CD200R1L: variants seen among roughly 807,000 people sequenced by gnomAD.
CD200R1L encodes the protein CD200 receptor 1 like, also known as cell surface glycoprotein CD200 receptor 2.
CD200R1L carries 14 observed loss-of-function variants against 24.8 expected under a neutral mutation model. The observed-to-expected ratio is 0.56, with a 90% CI of 0.37 to 0.88. The LOEUF is 0.88. Ranked by LOEUF, CD200R1L falls within the 40% of genes least tolerant of loss-of-function variation. The pLI is 0.00. For synonymous variants in CD200R1L, 111 were observed against 109.2 expected (o/e 1.02, Z -0.11); for missense variants, 299 against 297.8 (o/e 1.00, Z -0.03).
chr3:112,840,083 A>G (rs1009239242), intron 2 of CD200R1L, among the ~76,000 whole-genome samples: 4 of 152,242 alleles, frequency 2.6e-5, no homozygotes, highest in African/African-American at 9.6e-5. Context: ...AAGGATGTGG[A>G]ATAATGAAAA....
chr3:112,845,987 CAT>C (rs1249639739), intron 1 of CD200R1L, 37 bp from the exon 2 acceptor site: 1 of 415,886 alleles, frequency 2.4e-6, no homozygotes, highest in African/African-American at 2.0e-5. Flanking sequence ...GCTTACTACT[CAT>C]TGCTTCTCCC....
chr3:112,838,849 A>C (rs1939019159), intron 2 of CD200R1L, among the ~76,000 whole-genome samples: 1 of 152,224 alleles, frequency 6.6e-6, no homozygotes, highest in Admixed American at 6.5e-5. Flanking sequence ...TTCTCAATAA[A>C]GAAGATGGGC....
chr3:112,832,370 A>C (rs1938821914), intron 3 of CD200R1L, among the ~76,000 whole-genome samples: 1 of 152,186 alleles, frequency 6.6e-6, no homozygotes, highest in African/African-American at 2.4e-5. Flanking sequence ...CTGAATATTT[A>C]ATTAGAATGA....
intron 7 of CD200R1L, among the ~76,000 whole-genome samples, chr3:112,816,655 C>T (rs969002852): frequency 6.6e-6 from 1 of 152,172 alleles, no homozygotes; most frequent in Non-Finnish European, 1.5e-5. Flanking sequence ...ACCCAAATTT[C>T]ATCTTGAATT....
intron 3 of CD200R1L, among the ~76,000 whole-genome samples, chr3:112,833,373 A>T (rs181571576): frequency 1.4e-3 from 214 of 152,354 alleles, no homozygotes; most frequent in African/African-American, 4.9e-3. Context: ...GTCCAGTAGG[A>T]CAGTCACAGT....
At chr3:112,833,829 G>C (rs1559924466) in intron 3 of CD200R1L, among the ~76,000 whole-genome samples, 1 of 152,222 alleles carries the variant, frequency 6.6e-6, no homozygotes, top group Non-Finnish European at 1.5e-5. Flanking sequence ...TAAGCCAAAA[G>C]TGGACTGTTG....
At chr3:112,828,990 G>A (rs1938733256) in intron 4 of CD200R1L, among the ~76,000 whole-genome samples, 1 of 152,136 alleles carries the variant, frequency 6.6e-6, no homozygotes, top group Non-Finnish European at 1.5e-5. Context: ...CTCTTATGTG[G>A]TACTTTAACC....
chr3:112,833,562 A>G (rs575187217), intron 3 of CD200R1L, among the ~76,000 whole-genome samples: 202 of 152,312 alleles, frequency 1.3e-3, no homozygotes, highest in African/African-American at 4.2e-3. Flanking sequence ...ATTAGACCCA[A>G]CAAATCATAA....
chr3:112,815,790 T>G lies in CD200R1L; in HGVS notation c.*173A>C, dbSNP rs1938368669. ...GTTGAGGGTTTATAGGGAAACTTCA[T>G]GGTCATCAAGCCCAGGATCCTTCTT... On this transcript the variant is annotated 3_prime_UTR_variant, in exon 8 of 8. Transcript: ENST00000488794. 1.7e-6 allele frequency: 1 copy of G among 589,724 alleles called. No homozygotes were observed. Among genetic ancestry groups the G allele is most frequent in the Non-Finnish European group, 3.1e-6 (1 of 324,300 alleles). The allele number at this position is 589,724 out of a possible 1,614,324, so 36.5% of individuals were successfully genotyped here.
Position 112,819,838 on chromosome 3 carries a change from A to G in CD200R1L, c.674T>C (p.Leu225Pro), listed in dbSNP as rs1389996335. 6.2e-7 allele frequency: 1 copy of G among 1,611,318 alleles called. No homozygotes were observed. The highest frequency in any genetic ancestry group is 8.5e-7 in the Non-Finnish European group (1 of 1,179,072). The change falls in exon 7 of 8, where the codon CTC (leucine) becomes CCC (proline). Residue 225 changes from leucine (L) to proline (P), a missense_variant. By Grantham distance (98) the Leu-to-Pro change is moderately conservative (BLOSUM62 -3). Coordinates refer to ENST00000488794, the MANE Select transcript of CD200R1L (RefSeq NM_001199215.3). ...LSLLIILYVK[L>P]SLFVVILVTT... ...GACCAGAATGACCACAAAAAGAGAG[A>G]GTTTCACATAAAGAATGATCAGTAA...
chr3:112,842,116 T>C (rs910631185), intron 2 of CD200R1L, among the ~76,000 whole-genome samples: 4 of 152,162 alleles, frequency 2.6e-5, no homozygotes, highest in African/African-American at 9.7e-5. Flanking sequence ...ACTAGCTGGT[T>C]GGGCCTGCTC....
At chr3:112,825,009 G>T (rs974779472) in intron 6 of CD200R1L, among the ~76,000 whole-genome samples, 1 of 152,280 alleles carries the variant, frequency 6.6e-6, no homozygotes, top group East Asian at 1.9e-4. Flanking sequence ...AGGCCCAGGC[G>T]GGCGGATCAC....
chr3:112,839,066 C>A lies in CD200R1L; in HGVS notation c.-86-1056G>T, dbSNP rs980617787. On this transcript the variant is annotated intron_variant, in intron 2 of 7. Coordinates refer to ENST00000488794, the MANE Select transcript of CD200R1L (RefSeq NM_001199215.3). ...GAAATAACACACACACACATACACA[C>A]ACACACGTACATACACACATAAATA... Among the ~76,000 whole-genome samples, 7 of 152,242 alleles carry A rather than the reference C, an allele frequency of 4.6e-5. No individual in the cohort carries two copies. The South Asian group carries it at 1.5e-3, about 32-fold the overall frequency.
chr3:112,819,749 G>C, intron 7 of CD200R1L, 23 bp downstream of exon 7: 1 of 1,577,724 alleles, frequency 6.3e-7, no homozygotes, highest in Non-Finnish European at 8.6e-7. Context: ...TGTGTCTTAT[G>C]CTTTTCAGTC....
At chr3:112,823,636 C>G (rs969163680) in intron 6 of CD200R1L, among the ~76,000 whole-genome samples, 2 of 152,136 alleles carry the variant, frequency 1.3e-5, no homozygotes, top group African/African-American at 4.8e-5. Context: ...GGTGCTATGA[C>G]AGAGGCATGC....
In CD200R1L at chr3:112,845,856, A is replaced by C; in HGVS notation, c.-264T>G. On this transcript the variant is annotated 5_prime_UTR_variant, in exon 2 of 8. An upstream start codon of the reference 5' UTR is lost. Transcript: ENST00000488794. ...TCTGTCTTCAACAGGATTGCAAAACATATTTCTTCATTATCTTGCTTATCT... is the reference window on the plus strand; with the variant it reads ...TCTGTCTTCAACAGGATTGCAAAACCTATTTCTTCATTATCTTGCTTATCT... 1 of 665,660 alleles carries C rather than the reference A, an allele frequency of 1.5e-6. No individual in the cohort carries two copies. Among genetic ancestry groups the C allele is most frequent in the Admixed American group, 2.6e-5 (1 of 39,020 alleles). The allele number at this position is 665,660 out of a possible 1,614,324, so 41.2% of individuals were successfully genotyped here. A position where few individuals can be genotyped will look rare whatever the true frequency, so the allele number is the denominator to read the frequency against.
intron 6 of CD200R1L, 46 bp downstream of exon 6, chr3:112,826,947 A>G: frequency 6.6e-7 from 1 of 1,505,196 alleles, no homozygotes. Flanking sequence ...TATGGAAGAA[A>G]AAGTTGAGCA....
chr3:112,833,735 A>G (rs1000126481), intron 3 of CD200R1L, among the ~76,000 whole-genome samples: 2 of 152,088 alleles, frequency 1.3e-5, no homozygotes, highest in Non-Finnish European at 2.9e-5. Context: ...GTTCACATCT[A>G]AGCCCTCCCT....
intron 2 of CD200R1L, among the ~76,000 whole-genome samples, chr3:112,840,858 G>A (rs1342364708): frequency 1.3e-5 from 2 of 152,106 alleles, no homozygotes; most frequent in Non-Finnish European, 2.9e-5. Flanking sequence ...GATTGTGACT[G>A]TGATTATTAA....
Sources: allele counts gnomAD v4.1 joint callset (sites outside exome capture counted in the v4.1 genomes callset), GRCh38; gene constraint gnomAD v4.1.1; transcripts MANE v1.5; gene names NCBI Gene and HGNC (gene_info 2026-07-23, HGNC 2026-07-21).